Variants in SRFBP1 observed in about 807,000 individuals in gnomAD.
SRFBP1 encodes serum response factor-binding protein 1.
Under a neutral mutation model 45.5 loss-of-function variants are expected in SRFBP1, and 47 were observed. The observed-to-expected ratio is 1.03, with a 90% CI of 0.82 to 1.32. The LOEUF is 1.32. SRFBP1 is among the 40% of genes most tolerant of loss of function. SRFBP1 has a pLI of 0.00. For missense variants in SRFBP1, 621 were observed against 484.6 expected (o/e 1.28, Z -2.64); for synonymous variants, 203 against 166.3 (o/e 1.22, Z -1.70).
Position 122,020,550 on chromosome 5 carries a change from A to AGTCT in SRFBP1, c.816_819dup (p.Ser274ValfsTer5). On this transcript the variant is annotated frameshift_variant, in exon 6 of 8. Coordinates refer to ENST00000339397, the MANE Select transcript of SRFBP1 (RefSeq NM_152546.3). LOFTEE classifies it high-confidence loss of function. ...AGCACAGAAGAAAGGTTTTACAAGC[A>AGTCT]GTCTTCCATGTCTGAAGATAGTGAT... 1 of 1,614,180 alleles carries AGTCT rather than the reference A, an allele frequency of 6.2e-7. No individual in the cohort carries two copies. Among genetic ancestry groups the AGTCT allele is most frequent in the Non-Finnish European group, 8.5e-7 (1 of 1,180,006 alleles).
chr5:122,036,080 A>G (rs1278162703), intron 2 of SRFBP1, among the ~76,000 whole-genome samples: 3 of 152,204 alleles, frequency 2.0e-5, no homozygotes, highest in Non-Finnish European at 4.4e-5. Context: ...GGGTTGCTCA[A>G]ACTCTGCACG....
intron 2 of SRFBP1, among the ~76,000 whole-genome samples, chr5:122,043,859 A>T (rs1438822783): frequency 6.6e-6 from 1 of 152,052 alleles, no homozygotes; most frequent in Non-Finnish European, 1.5e-5. Context: ...AATTTTTTTT[A>T]TTTAACTTTT....
At chr5:122,077,622 G>A (rs566461481), downstream of SRFBP1, 9 of 1,611,692 alleles carry the variant, frequency 5.6e-6, no homozygotes, top group African/African-American at 1.3e-5. The surrounding 1 kb of genome is among the most constrained non-coding windows in gnomAD (Gnocchi z 4.9). Context: ...AACCAGTGAC[G>A]GGCGGTGGGC....
intron 3 of SRFBP1, among the ~76,000 whole-genome samples, chr5:121,993,879 T>C (rs976229454): frequency 2.6e-5 from 4 of 152,016 alleles, no homozygotes; most frequent in Admixed American, 1.3e-4. Flanking sequence ...TTTTCTTTTA[T>C]TGATTAGTTG....
In SRFBP1 at chr5:122,035,397, A is replaced by G. The variant is rs1019430842; in HGVS notation, n.311+12990A>G. On this transcript the variant is annotated intron_variant and non_coding_transcript_variant, in intron 2 of 2. Coordinates refer to the SRFBP1 transcript ENST00000504881. ...CATAGTCTCAAGTTAGCCCACATTC[A>G]GCTGCAGCAATTCATCAAAAACTTT... is the stretch of plus-strand genomic sequence containing the variant. Among the ~76,000 whole-genome samples, 129 of 152,186 alleles carry G rather than the reference A, an allele frequency of 8.5e-4. 1 individual carries two copies. Among genetic ancestry groups the G allele is most frequent in the African/African-American group, 3.0e-3 (126 of 41,516 alleles).
At chr5:122,057,565 G>A (rs1261369837) in intron 2 of SRFBP1, among the ~76,000 whole-genome samples, 1 of 150,944 alleles carries the variant, frequency 6.6e-6, no homozygotes, top group African/African-American at 2.4e-5. Flanking sequence ...GTCCTCAAGT[G>A]ATCCTCCCTC....
At chr5:122,029,642 C>T (rs973763341), downstream of SRFBP1, among the ~76,000 whole-genome samples, 1 of 152,154 alleles carries the variant, frequency 6.6e-6, no homozygotes, top group Non-Finnish European at 1.5e-5. Flanking sequence ...GTTCTTCTGT[C>T]TGCACTATGG....
At chr5:122,001,091 C>A (rs1161334517) in intron 4 of SRFBP1, among the ~76,000 whole-genome samples, 1 of 151,942 alleles carries the variant, frequency 6.6e-6, no homozygotes, top group Non-Finnish European at 1.5e-5. Context: ...TTTTTCTAAA[C>A]CTCCATAAAG....
rs1754251596 is a variant in SRFBP1, at chr5:122,064,682, A to T, written n.312-10633A>T. 2.6e-5 allele frequency: 4 copies of T among 151,964 alleles called. No individual in the cohort carries two copies. In the South Asian group the frequency reaches 8.3e-4, roughly 32 times the overall value. 9.4% of individuals were successfully genotyped at this position (151,964 alleles called of 1,614,324 possible). On this transcript the variant is annotated intron_variant and non_coding_transcript_variant, in intron 2 of 2. Transcript: ENST00000504881. ...AATAAGATGAACCTTATGGGTAATA[A>T]TGGGATTTTTAATACTTATTGAGGT... is the stretch of plus-strand genomic sequence containing the variant.
At chr5:121,992,527 A>G (rs1000479886) in intron 3 of SRFBP1, among the ~76,000 whole-genome samples, 15 of 152,076 alleles carry the variant, frequency 9.9e-5, no homozygotes, top group African/African-American at 3.6e-4. Context: ...AAAAATTCTT[A>G]ACTTAATTAC....
chr5:122,069,811 T>C, intron 2 of SRFBP1: 1 of 475,546 alleles, frequency 2.1e-6, no homozygotes, highest in Non-Finnish European at 4.0e-6. Context: ...GTAAACACTG[T>C]GGTCTGTTTA....
At chr5:122,017,448 C>G (rs193012297) in intron 4 of SRFBP1, among the ~76,000 whole-genome samples, 280 of 152,258 alleles carry the variant, frequency 1.8e-3, no homozygotes, top group Admixed American at 4.0e-3. Flanking sequence ...TCAAAATATT[C>G]TTCTCCTTAT....
chr5:122,041,691 T>A (rs575994858), intron 2 of SRFBP1, among the ~76,000 whole-genome samples: 2 of 152,280 alleles, frequency 1.3e-5, no homozygotes, highest in Admixed American at 6.5e-5. Context: ...AAACTCTCAT[T>A]ATTTTTAATA....
At chr5:121,967,645 C>T (rs936566532) in intron 1 of SRFBP1, among the ~76,000 whole-genome samples, 6 of 152,128 alleles carry the variant, frequency 3.9e-5, no homozygotes, top group Admixed American at 6.5e-5. Flanking sequence ...CCAGCCTGGG[C>T]GACATGGTGA....
chr5:122,063,518 TTTAGC>T (rs1348864329), intron 2 of SRFBP1: 1 of 151,892 alleles, frequency 6.6e-6, no homozygotes, highest in African/African-American at 2.4e-5. Flanking sequence ...TCAGCACCAT[TTTAGC>T]TTAGAGGATA....
At chr5:121,962,198 C>A in intron 1 of SRFBP1, 130 bp downstream of exon 1, 1 of 1,162,470 alleles carries the variant, frequency 8.6e-7, no homozygotes, top group Non-Finnish European at 1.2e-6. Flanking sequence ...GGCGGGTTTC[C>A]CGCAACTTGG....
At chr5:122,004,472 C>CT (rs1186213891) in intron 4 of SRFBP1, among the ~76,000 whole-genome samples, 2 of 152,030 alleles carry the variant, frequency 1.3e-5, no homozygotes, top group African/African-American at 4.8e-5. Flanking sequence ...CTATTCTGTT[C>CT]TTTTGGTCAG....
intron 2 of SRFBP1, among the ~76,000 whole-genome samples, chr5:122,052,265 G>T (rs1310273363): frequency 6.6e-6 from 1 of 152,082 alleles, no homozygotes; most frequent in Non-Finnish European, 1.5e-5. Context: ...GAGGTTCTCT[G>T]CATTTCCTGG....
At chr5:121,962,723 C>T (rs1182739243) in intron 1 of SRFBP1, among the ~76,000 whole-genome samples, 3 of 152,190 alleles carry the variant, frequency 2.0e-5, no homozygotes, top group Non-Finnish European at 1.5e-5. Context: ...AATACCATTT[C>T]TACCACTTAT....
Sources: allele counts gnomAD v4.1 joint callset (sites outside exome capture counted in the v4.1 genomes callset), GRCh38; gene constraint gnomAD v4.1.1; non-coding constraint Gnocchi (gnomAD v3.1); transcripts MANE v1.5; gene names NCBI Gene and HGNC (gene_info 2026-07-23, HGNC 2026-07-21).